The following RBFOX1 variants were observed in gnomAD, a reference collection of about 807,000 sequenced individuals.
RBFOX1 encodes the protein RNA binding fox-1 homolog 1, also known as RNA binding protein fox-1 homolog 1.
Under a neutral mutation model 57.7 loss-of-function variants are expected in RBFOX1, and 8 were observed. The ratio of observed to expected loss-of-function variants is 0.14; its 90% CI spans 0.08 to 0.25. The LOEUF (loss-of-function observed/expected upper bound fraction) is 0.25, where lower values mean the gene tolerates loss of function less well. RBFOX1 is among the 10% of genes least tolerant of loss of function. The pLI, the probability that RBFOX1 is intolerant of heterozygous loss-of-function variation, is 1.00. For missense variants in RBFOX1, 611 were observed against 548.5 expected, an observed-to-expected ratio of 1.11 and a Z score of -1.14; for synonymous variants, 326 against 222.4, an observed-to-expected ratio of 1.47 and a Z score of -4.15.
At chr16:6,376,765 A>G (rs2091227960) in intron 2 of RBFOX1, among the ~76,000 whole-genome samples, 2 of 152,170 alleles carry the variant, frequency 1.3e-5, no homozygotes, top group Non-Finnish European at 1.5e-5. Context: ...ACAGTGCTGG[A>G]GGCTGGAAAT....
At chr16:6,895,745 A>G (rs892369134) in intron 3 of RBFOX1, among the ~76,000 whole-genome samples, 1 of 152,036 alleles carries the variant, frequency 6.6e-6, no homozygotes, top group African/African-American at 2.4e-5. Context: ...CTACATCTCA[A>G]CAGTGAGGAA....
At chr16:7,055,094 A>G (rs990049960) in intron 4 of RBFOX1, among the ~76,000 whole-genome samples, 1 of 152,184 alleles carries the variant, frequency 6.6e-6, no homozygotes, top group African/African-American at 2.4e-5. Flanking sequence ...CTTTAAAATG[A>G]TCATATGATT....
intron 1 of RBFOX1, among the ~76,000 whole-genome samples, chr16:6,134,918 A>G (rs1567534424): frequency 6.6e-6 from 1 of 152,026 alleles, no homozygotes; most frequent in East Asian, 1.9e-4. Context: ...ATATGTATGC[A>G]TGTGCCATGT....
At chr16:7,093,417 C>T (rs1048603426) in intron 4 of RBFOX1, among the ~76,000 whole-genome samples, 1 of 152,202 alleles carries the variant, frequency 6.6e-6, no homozygotes, top group African/African-American at 2.4e-5. Context: ...CAGCCCACTT[C>T]TTCTTTGACA....
At chr16:6,898,225 C>G (rs1329392322) in intron 3 of RBFOX1, among the ~76,000 whole-genome samples, 1 of 152,188 alleles carries the variant, frequency 6.6e-6, no homozygotes, top group African/African-American at 2.4e-5. Context: ...CATGGCCGCC[C>G]CTTTGGCATC....
At chr16:6,986,220 A>T (rs2090240708) in intron 3 of RBFOX1, among the ~76,000 whole-genome samples, 1 of 141,026 alleles carries the variant, frequency 7.1e-6, no homozygotes, top group African/African-American at 3.2e-5. Flanking sequence ...TTATTTTCTG[A>T]GACAGAGTCT....
chr16:7,090,150 C>T (rs1373220461), intron 4 of RBFOX1, among the ~76,000 whole-genome samples: 4 of 152,098 alleles, frequency 2.6e-5, no homozygotes, highest in Non-Finnish European at 1.5e-5. Flanking sequence ...AAATGAGCCT[C>T]AGCTACATTG....
chr16:7,374,127 A>G (rs767823178), intron 4 of RBFOX1, among the ~76,000 whole-genome samples: 3 of 152,144 alleles, frequency 2.0e-5, no homozygotes, highest in Non-Finnish European at 4.4e-5. Flanking sequence ...AGGGCCACCA[A>G]TAGGTACTTT....
chr16:6,346,372 T>A (rs809682), intron 2 of RBFOX1, among the ~76,000 whole-genome samples: 33,354 of 152,108 alleles, frequency 0.22, 4,030 homozygotes, highest in Middle Eastern at 0.33. Flanking sequence ...TAATTTAGTA[T>A]GTGAACTAAG....
At chr16:6,466,549 C>T (rs1474100715) in intron 2 of RBFOX1, among the ~76,000 whole-genome samples, 1 of 152,148 alleles carries the variant, frequency 6.6e-6, no homozygotes, top group African/African-American at 2.4e-5. Context: ...CAATCTGATG[C>T]TTGCTGGGTT....
At chr16:5,855,289 T>A (rs1425771161) in intron 3 of RBFOX1, among the ~76,000 whole-genome samples, 1 of 152,214 alleles carries the variant, frequency 6.6e-6, no homozygotes, top group Non-Finnish European at 1.5e-5. Flanking sequence ...TATTAAAAAA[T>A]TCACTACGCA....
At chr16:6,275,495 C>G (rs528057435) in intron 1 of RBFOX1, among the ~76,000 whole-genome samples, 2 of 152,074 alleles carry the variant, frequency 1.3e-5, no homozygotes, top group Non-Finnish European at 2.9e-5. Context: ...ATTATTAACA[C>G]CTTTATTTTC....
At chr16:6,866,544 T>A (rs1396161171) in intron 3 of RBFOX1, among the ~76,000 whole-genome samples, 1 of 120,618 alleles carries the variant, frequency 8.3e-6, no homozygotes, top group African/African-American at 3.3e-5. Flanking sequence ...TCCTTCTATT[T>A]TTTTTTTTTT....
chr16:6,360,213 A>G (rs558224980), intron 2 of RBFOX1, among the ~76,000 whole-genome samples: 1 of 151,918 alleles, frequency 6.6e-6, no homozygotes, highest in Admixed American at 6.6e-5. Flanking sequence ...TGAATTTCTT[A>G]TACATCATTG....
chr16:6,853,770 C>A (rs746510593), intron 3 of RBFOX1, among the ~76,000 whole-genome samples: 1 of 152,108 alleles, frequency 6.6e-6, no homozygotes, highest in African/African-American at 2.4e-5. Flanking sequence ...AGAGGAGCTG[C>A]ACTCTGACCT....
At chr16:6,757,226 A>G (rs563057608) in intron 3 of RBFOX1, among the ~76,000 whole-genome samples, 1 of 152,254 alleles carries the variant, frequency 6.6e-6, no homozygotes, top group South Asian at 2.1e-4. Flanking sequence ...CTAATAGGGA[A>G]AACAATACAG....
chr16:5,991,186 C>A (rs1407160380), intron 4 of RBFOX1, among the ~76,000 whole-genome samples: 1 of 152,084 alleles, frequency 6.6e-6, no homozygotes. Flanking sequence ...ATTCAGTTGA[C>A]CCTCATGGCA....
At chr16:6,602,567 T>A (rs1435328119) in intron 2 of RBFOX1, among the ~76,000 whole-genome samples, 1 of 152,120 alleles carries the variant, frequency 6.6e-6, no homozygotes, top group Non-Finnish European at 1.5e-5. Context: ...GACAGGGTTG[T>A]GTGTGCTGCT....
intron 1 of RBFOX1, among the ~76,000 whole-genome samples, chr16:5,401,698 TTTCA>T (rs1239577128): frequency 6.6e-6 from 1 of 152,076 alleles, no homozygotes; most frequent in Non-Finnish European, 1.5e-5. Context: ...AAATTCACAC[TTTCA>T]TTGTTTTGAT....
Sources: allele counts gnomAD v4.1 joint callset (sites outside exome capture counted in the v4.1 genomes callset), GRCh38; gene constraint gnomAD v4.1.1; transcripts MANE v1.5; gene names NCBI Gene and HGNC (gene_info 2026-07-23, HGNC 2026-07-21).